RNLS: variants seen among roughly 807,000 people sequenced by gnomAD.
RNLS encodes the protein renalase, FAD dependent amine oxidase.
Under a neutral mutation model 39.8 loss-of-function variants are expected in RNLS, and 39 were observed. That is an observed-to-expected ratio of 0.98 (90% CI 0.76 to 1.28). The LOEUF is 1.28. Ranked by LOEUF, RNLS falls within the 50% of genes most tolerant of loss-of-function variation. The pLI is 0.00. For synonymous variants in RNLS, 147 were observed against 150.7 expected (o/e 0.98, Z 0.18); for missense variants, 410 against 413.3 (o/e 0.99, Z 0.07).
At chr10:88,173,320 T>C in the RNLS span, among the ~76,000 whole-genome samples, 1 of 152,228 alleles carries the variant, frequency 6.6e-6, no homozygotes, top group African/African-American at 2.4e-5. Flanking sequence ...TTCTGGGTTC[T>C]CTAGTCTATT....
chr10:88,440,334 T>A (rs1459551187), intron 4 of RNLS, among the ~76,000 whole-genome samples: 1 of 152,174 alleles, frequency 6.6e-6, no homozygotes, highest in African/African-American at 2.4e-5. Flanking sequence ...ACTCCTCCAA[T>A]CAAAGCACTA....
the RNLS span, among the ~76,000 whole-genome samples, chr10:88,191,917 C>G: frequency 5.3e-5 from 8 of 151,790 alleles, no homozygotes; most frequent in African/African-American, 1.9e-4. Context: ...ATTTGTATAC[C>G]TGTTGGCATT....
At chr10:88,357,004 C>T (rs1329533265) in intron 5 of RNLS, among the ~76,000 whole-genome samples, 1 of 152,204 alleles carries the variant, frequency 6.6e-6, no homozygotes, top group Non-Finnish European at 1.5e-5. Flanking sequence ...GTTGCCCTAA[C>T]TCCTATCTGT....
intron 4 of RNLS, among the ~76,000 whole-genome samples, chr10:88,492,645 C>T (rs192790212): frequency 6.6e-6 from 1 of 152,036 alleles, no homozygotes; most frequent in East Asian, 1.9e-4. Flanking sequence ...TCTCAAACTC[C>T]TGACCTCAAG....
At chr10:88,473,437 C>A (rs1216435256) in intron 4 of RNLS, among the ~76,000 whole-genome samples, 2 of 152,134 alleles carry the variant, frequency 1.3e-5, no homozygotes, top group African/African-American at 2.4e-5. Flanking sequence ...CACACACACA[C>A]ACACACACAA....
At chr10:88,316,132 G>A (rs774576907) in intron 5 of RNLS, among the ~76,000 whole-genome samples, 13 of 152,154 alleles carry the variant, frequency 8.5e-5, no homozygotes, top group Non-Finnish European at 1.8e-4. Flanking sequence ...TCACATATAC[G>A]AGGTGAGGGA....
intron 4 of RNLS, among the ~76,000 whole-genome samples, chr10:88,457,517 T>C (rs569753788): frequency 2.0e-5 from 3 of 152,260 alleles, no homozygotes; most frequent in Non-Finnish European, 4.4e-5. Flanking sequence ...ACATTCATGG[T>C]AAACCTAACA....
At position 88,393,746 on chromosome 10, in the gene RNLS, G is replaced by A. The variant is rs560541983; in HGVS notation, c.527-31021C>T. On this transcript the variant is annotated intron_variant, in intron 4 of 6. Transcript: ENST00000331772. The stretch of plus-strand genomic sequence containing the variant: ...GCCTGCATTGCCAAGTCAATCTTAA[G>A]CCAAAAGGACAAAGCTGGAGGCATC... Among the ~76,000 whole-genome samples the A allele has an allele frequency of 2.0e-5, 3 of 152,274 alleles. No homozygotes were observed. In the South Asian group the frequency reaches 6.2e-4, roughly 32 times the overall value.
the RNLS span, among the ~76,000 whole-genome samples, chr10:88,198,353 G>T: frequency 6.6e-6 from 1 of 152,148 alleles, no homozygotes. Context: ...TAGACCTTTT[G>T]GGAGCAGCCC....
intron 4 of RNLS, among the ~76,000 whole-genome samples, chr10:88,565,002 A>C (rs1849413700): frequency 6.6e-6 from 1 of 152,194 alleles, no homozygotes; most frequent in African/African-American, 2.4e-5. Context: ...AGAGAGAGAA[A>C]GAGAATGAGA....
intron 4 of RNLS, among the ~76,000 whole-genome samples, chr10:88,512,150 G>A (rs1846153124): frequency 1.3e-5 from 2 of 152,166 alleles, no homozygotes; most frequent in African/African-American, 4.8e-5. Context: ...CAACAAAGAA[G>A]TTGAGAAAAT....
Position 88,520,959 on chromosome 10 carries a change from T to C in RNLS, c.526+51944A>G, listed in dbSNP as rs1012737499. Among the ~76,000 whole-genome samples the C allele has an allele frequency of 2.4e-4, 37 of 152,040 alleles. 2 individuals are homozygous for C. On this transcript the variant is annotated intron_variant, in intron 4 of 6. Coordinates refer to ENST00000331772, the MANE Select transcript of RNLS (RefSeq NM_001031709.3). Reference sequence around the variant, plus strand: ...GCTTCTCGTTCTTCCTCATGGGATATCATTTCCTGTTCACGGGTGTTGCTG... The same window carrying C: ...GCTTCTCGTTCTTCCTCATGGGATACCATTTCCTGTTCACGGGTGTTGCTG...
chr10:88,280,405 T>C (rs1276229967), downstream of RNLS, among the ~76,000 whole-genome samples: 1 of 152,140 alleles, frequency 6.6e-6, no homozygotes, highest in African/African-American at 2.4e-5. Flanking sequence ...TGGCATAGGA[T>C]CAAGGAACAA....
intron 4 of RNLS, among the ~76,000 whole-genome samples, chr10:88,564,669 C>T (rs1849396486): frequency 6.6e-6 from 1 of 152,000 alleles, no homozygotes; most frequent in South Asian, 2.1e-4. Context: ...ATAATAATGC[C>T]TAGCATTACT....
chr10:88,214,372 C>T, the RNLS span, among the ~76,000 whole-genome samples: 1 of 152,112 alleles, frequency 6.6e-6, no homozygotes, highest in Non-Finnish European at 1.5e-5. Flanking sequence ...TTTTCTCTTT[C>T]CTTTACCAAT....
intron 5 of RNLS, chr10:88,343,511 A>G: frequency 3.2e-6 from 3 of 948,058 alleles, no homozygotes; most frequent in Non-Finnish European, 3.8e-6. Flanking sequence ...CTTAACATAT[A>G]TATATATTTT....
intron 4 of RNLS, among the ~76,000 whole-genome samples, chr10:88,400,917 T>A (rs1458184549): frequency 1.3e-5 from 2 of 152,016 alleles, no homozygotes; most frequent in Non-Finnish European, 2.9e-5. Context: ...AATTCCTTAA[T>A]GTACTATTCA....
chr10:88,301,046 GT>G (rs1460138752), intron 6 of RNLS, among the ~76,000 whole-genome samples: 1 of 152,076 alleles, frequency 6.6e-6, no homozygotes. Context: ...CCTTTTTAAA[GT>G]TTTTTATAAA....
chr10:88,343,761 A>G (rs1848122850), intron 5 of RNLS: 5 of 985,262 alleles, frequency 5.1e-6, no homozygotes, highest in South Asian at 4.7e-5. Context: ...ACATCTATTT[A>G]TCCTGGGACA....
Sources: allele counts gnomAD v4.1 joint callset (sites outside exome capture counted in the v4.1 genomes callset), GRCh38; gene constraint gnomAD v4.1.1; transcripts MANE v1.5; gene names NCBI Gene and HGNC (gene_info 2026-07-23, HGNC 2026-07-21).